Variants in PAX5 observed in about 807,000 individuals in gnomAD.
PAX5 encodes paired box protein Pax-5.
In PAX5, 9 loss-of-function variants were observed where a neutral mutation model predicts 43.7. The ratio of observed to expected loss-of-function variants is 0.21; its 90% CI spans 0.12 to 0.36. The LOEUF is 0.36. PAX5 is among the 10% of genes least tolerant of loss of function. The pLI, the probability that PAX5 is intolerant of heterozygous loss-of-function variation, is 1.00. For synonymous variants in PAX5, 228 were observed against 214.3 expected, an observed-to-expected ratio of 1.06 and a Z score of -0.56; for missense variants, 383 against 532.7, an observed-to-expected ratio of 0.72 and a Z score of 2.77.
chr9:36,866,746 A>T (rs1824925584), intron 8 of PAX5, among the ~76,000 whole-genome samples: 1 of 152,104 alleles, frequency 6.6e-6, no homozygotes, highest in African/African-American at 2.4e-5. Context: ...TATGACTTTG[A>T]ACAAGTCCTT....
intron 1 of PAX5, among the ~76,000 whole-genome samples, chr9:37,027,934 G>A (rs1019885156): frequency 6.6e-6 from 1 of 152,254 alleles, no homozygotes; most frequent in Admixed American, 6.5e-5. Flanking sequence ...AAACGCGCTG[G>A]ACTAAGGCCT....
intron 4 of PAX5, among the ~76,000 whole-genome samples, chr9:37,006,060 C>T (rs1447949399): frequency 1.3e-5 from 2 of 152,132 alleles, no homozygotes; most frequent in African/African-American, 4.8e-5. Flanking sequence ...ACTGCAAGTG[C>T]ACAAAGAATT....
chr9:37,013,170 C>T (rs565354328), intron 3 of PAX5, among the ~76,000 whole-genome samples: 174 of 152,296 alleles, frequency 1.1e-3, no homozygotes, highest in African/African-American at 3.9e-3. Context: ...CAGCTTCTGC[C>T]TTCTCTTGAA....
chr9:36,985,201 G>C (rs1051129010), intron 5 of PAX5, among the ~76,000 whole-genome samples: 1 of 152,208 alleles, frequency 6.6e-6, no homozygotes, highest in Non-Finnish European at 1.5e-5. Flanking sequence ...AGGGATCTCT[G>C]AGTGCCATGA....
In PAX5 at chr9:36,966,646, A is replaced by G. The variant is rs1834463914; in HGVS notation, c.683T>C (p.Leu228Ser). 1 of 1,614,058 alleles carries G rather than the reference A, an allele frequency of 6.2e-7. No individual in the cohort carries two copies. The highest frequency in any genetic ancestry group is 8.5e-7 in the Non-Finnish European group (1 of 1,180,032). Residue 228 changes from leucine to serine, a missense_variant, in exon 6 of 10, where the codon TTG becomes TCG. This residue lies in a region of PAX5 where 291 missense variants were observed against 342.5 expected (regional missense o/e 0.85). Coordinates refer to ENST00000358127, the MANE Select transcript of PAX5 (RefSeq NM_016734.3). ...CACCTCCAGCTGCTGCTGTGTGAAC[A>G]AGTCTCCCCGCATCTGCTTCCGGAG... ...DFLRKQMRGD[L>S]FTQQQLEVLD...
intron 3 of PAX5, among the ~76,000 whole-genome samples, chr9:37,007,070 A>G (rs531507912): frequency 6.6e-6 from 1 of 152,092 alleles, no homozygotes; most frequent in Non-Finnish European, 1.5e-5. Context: ...AAGGGAGGGG[A>G]TGTATATGTT....
chr9:36,952,563 C>T (rs1564004159), intron 6 of PAX5, among the ~76,000 whole-genome samples: 2 of 152,110 alleles, frequency 1.3e-5, no homozygotes, highest in South Asian at 2.1e-4. Context: ...TACGTCTCCT[C>T]TTCTTCCTTC....
At chr9:36,930,939 G>A (rs945343791) in intron 6 of PAX5, 4 of 862,040 alleles carry the variant, frequency 4.6e-6, no homozygotes, top group Non-Finnish European at 6.8e-6. Context: ...TCAGCACGGG[G>A]CACCACTGCC....
intron 7 of PAX5, among the ~76,000 whole-genome samples, chr9:36,889,374 T>C (rs1033535757): frequency 3.3e-5 from 5 of 152,266 alleles, no homozygotes; most frequent in Admixed American, 3.3e-4. Context: ...TAGAATTTAC[T>C]GTATGCCAGA....
At chr9:36,965,935 T>C (rs1345921637) in intron 6 of PAX5, among the ~76,000 whole-genome samples, 1 of 152,230 alleles carries the variant, frequency 6.6e-6, no homozygotes, top group East Asian at 1.9e-4. Context: ...AGGTAGTGAC[T>C]ACTCTGCCCA....
chr9:36,868,119 AG>A (rs1825078892), intron 8 of PAX5, among the ~76,000 whole-genome samples: 1 of 152,228 alleles, frequency 6.6e-6, no homozygotes, highest in Admixed American at 6.5e-5. Flanking sequence ...GAGGGTAACA[AG>A]GGCCATTGTC....
rs1442587640 is a variant in PAX5 at position 36,837,923 on chromosome 9, A to G, written c.*2637T>C. On this transcript the variant is annotated 3_prime_UTR_variant, in exon 10 of 10. Transcript: ENST00000358127. ...GGCTGACCTCCTCCCAACAGCCTGG[A>G]ACCACAAGGAGGGCAGGATCCAAAG... The G allele has an allele frequency of 4.3e-6, 1 of 233,250 alleles. No individual in the cohort carries two copies. The highest frequency in any genetic ancestry group is 2.2e-5 in the African/African-American group (1 of 45,352). The allele number at this position is 233,250 out of a possible 1,614,324, so 14.4% of individuals were successfully genotyped here.
chr9:36,845,592 G>A (rs1449811922), intron 9 of PAX5, among the ~76,000 whole-genome samples: 1 of 152,150 alleles, frequency 6.6e-6, no homozygotes, highest in African/African-American at 2.4e-5. Context: ...AATGGGAATT[G>A]TTTCTTATTG....
intron 5 of PAX5, among the ~76,000 whole-genome samples, chr9:36,972,100 T>C (rs891923053): frequency 4.6e-5 from 7 of 152,372 alleles, no homozygotes; most frequent in Admixed American, 4.6e-4. Context: ...CCTAGCATCA[T>C]GGCTTTTGGG....
At position 36,834,435 on chromosome 9, in the gene PAX5, TG is replaced by T. The variant is rs1821502322; in HGVS notation, c.*6124del. On this transcript the variant is annotated 3_prime_UTR_variant, in exon 10 of 10. Coordinates refer to ENST00000358127, the MANE Select transcript of PAX5 (RefSeq NM_016734.3). ...GTGAGTGAGTGTGTGTGTGTGTGTG[TG>T]TGTGTGTGTGTGTGTGTTTACATGC... 6.0e-5 allele frequency: 14 copies of T among 233,300 alleles called. 1 individual carries two copies. The South Asian group carries it at 2.4e-3, about 39-fold the overall frequency. The allele number at this position is 233,300 out of a possible 1,614,324, so 14.5% of individuals were successfully genotyped here.
intron 6 of PAX5, among the ~76,000 whole-genome samples, chr9:36,954,848 T>C (rs192090489): frequency 2.7e-4 from 41 of 152,348 alleles, no homozygotes; most frequent in Non-Finnish European, 3.4e-4. Flanking sequence ...TTGGTGTATG[T>C]TGGACTTTCT....
intron 8 of PAX5, among the ~76,000 whole-genome samples, chr9:36,877,319 C>T (rs759092292): frequency 2.0e-5 from 3 of 152,060 alleles, no homozygotes; most frequent in Non-Finnish European, 4.4e-5. Flanking sequence ...TGGGCGACGG[C>T]CAGAGTGAGA....
intron 1 of PAX5, among the ~76,000 whole-genome samples, chr9:37,023,257 G>A (rs1588257395): frequency 6.6e-6 from 1 of 152,178 alleles, no homozygotes; most frequent in Non-Finnish European, 1.5e-5. Flanking sequence ...GAGGCAATAA[G>A]AAGAGAAAAT....
intron 3 of PAX5, among the ~76,000 whole-genome samples, chr9:37,006,915 C>G (rs1299385265): frequency 6.6e-6 from 1 of 152,186 alleles, no homozygotes; most frequent in Non-Finnish European, 1.5e-5. Context: ...GAGTCCTTCC[C>G]TTTCCTAGAC....
Sources: allele counts gnomAD v4.1 joint callset (sites outside exome capture counted in the v4.1 genomes callset), GRCh38; gene constraint gnomAD v4.1.1; regional missense constraint gnomAD v4.1.1; transcripts MANE v1.5; gene names NCBI Gene and HGNC (gene_info 2026-07-23, HGNC 2026-07-21).